Variants in AHNAK observed in about 807,000 individuals in gnomAD.
The protein encoded by AHNAK is neuroblast differentiation-associated protein AHNAK.
AHNAK carries 23 observed loss-of-function variants against 37.8 expected under a neutral mutation model. The observed-to-expected ratio is 0.61, with a 90% CI of 0.44 to 0.86. The LOEUF (loss-of-function observed/expected upper bound fraction) is 0.86, where lower values mean the gene tolerates loss of function less well. AHNAK is among the 40% of genes least tolerant of loss of function. The pLI, the probability that AHNAK is intolerant of heterozygous loss-of-function variation, is 0.00. For synonymous variants in AHNAK, 2,481 were observed against 2,636.3 expected (o/e 0.94, Z 1.80); for missense variants, 7,411 against 7,319.4 (o/e 1.01, Z -0.46).
At chr11:62,449,239 T>C (rs1938482378) in intron 5 of AHNAK, among the ~76,000 whole-genome samples, 1 of 152,240 alleles carries the variant, frequency 6.6e-6, no homozygotes, top group South Asian at 2.1e-4. Context: ...TTCTGACAGC[T>C]ATGCTCTCTC....
rs550095434 is a variant in AHNAK, at chr11:62,509,315, T to C, written c.343-17484A>G. On this transcript the variant is annotated intron_variant, in intron 4 of 5. Transcript: ENST00000257247. ...GGGCACGGTGGCTCACGCCTGTAAT[T>C]CCAGCACTTTGGGAGGCCAAGGTGG... Among the ~76,000 whole-genome samples the C allele has an allele frequency of 9.9e-5, 15 of 152,120 alleles. No individual in the cohort carries two copies. The South Asian group carries it at 3.1e-3, about 32-fold the overall frequency.
chr11:62,528,462 C>T lies in AHNAK; in HGVS notation c.5955G>A (p.Lys1985=). The stretch of plus-strand genomic sequence containing the variant: ...CATCAGGCATGGAGATCTTGGGGGT[C>T]TTGAAGTGCATCTCAGGCATCTTAA... ...PKFKMPEMHF[K]TPKISMPDVD... The change falls in exon 5 of 5, where the codon AAG becomes AAA. Residue 1985 remains lysine, a synonymous_variant. Coordinates refer to ENST00000378024, the MANE Select transcript of AHNAK (RefSeq NM_001620.3). 4 of 1,613,436 alleles carry T rather than the reference C, an allele frequency of 2.5e-6. No homozygotes were observed. Among genetic ancestry groups the T allele is most frequent in the Non-Finnish European group, 3.4e-6 (4 of 1,179,888 alleles).
chr11:62,533,894 T>A lies in AHNAK; in HGVS notation c.523A>T (p.Ile175Phe). The change falls in exon 5 of 5, where the codon ATC (isoleucine) becomes TTC (phenylalanine). Residue 175 changes from isoleucine (I) to phenylalanine (F), a missense_variant. Transcript: ENST00000378024. ...TGREGAKDID[I>F]SSPEFKIKIP... ...TTGATCTTGAATTCAGGGCTACTGA[T>A]GTCTATGTCCTTGGCTCCTTCCCGG... 1 of 1,614,222 alleles carries A rather than the reference T, an allele frequency of 6.2e-7. No individual in the cohort carries two copies. Among genetic ancestry groups the A allele is most frequent in the Non-Finnish European group, 8.5e-7 (1 of 1,180,042 alleles).
chr11:62,433,841 C>T (rs373500291), exon 6 of AHNAK: 1 of 1,613,512 alleles, frequency 6.2e-7, no homozygotes, highest in African/African-American at 1.3e-5. Flanking sequence ...AGAACGGTCA[C>T]AAAAACAACC....
intron 5 of AHNAK, among the ~76,000 whole-genome samples, chr11:62,484,329 T>G (rs1939345215): frequency 6.6e-6 from 1 of 151,988 alleles, no homozygotes; most frequent in African/African-American, 2.4e-5. Flanking sequence ...GAGGCTGCAG[T>G]GAGCTATGAT....
chr11:62,473,698 C>T (rs1366000121), intron 5 of AHNAK, among the ~76,000 whole-genome samples: 3 of 147,648 alleles, frequency 2.0e-5, no homozygotes, highest in African/African-American at 5.0e-5. Flanking sequence ...AAAAAAAAAG[C>T]TGTATAAAAC....
intron 4 of AHNAK, among the ~76,000 whole-genome samples, chr11:62,499,899 A>G (rs1050651195): frequency 7.9e-5 from 12 of 152,248 alleles, no homozygotes; most frequent in African/African-American, 2.9e-4. Context: ...ATCTGACACC[A>G]GACCAAGGCT....
chr11:62,442,615 A>T (rs1938331415), intron 5 of AHNAK, among the ~76,000 whole-genome samples: 1 of 152,060 alleles, frequency 6.6e-6, no homozygotes, highest in Admixed American at 6.6e-5. Flanking sequence ...TCACGCGTGT[A>T]ATCCCAGCAC....
intron 4 of AHNAK, among the ~76,000 whole-genome samples, chr11:62,502,932 T>C (rs1008390212): frequency 6.6e-6 from 1 of 152,184 alleles, no homozygotes; most frequent in African/African-American, 2.4e-5. Flanking sequence ...TCCCTGGGCA[T>C]TGGCTGGAGT....
intron 5 of AHNAK, among the ~76,000 whole-genome samples, chr11:62,443,138 G>A (rs1012915446): frequency 6.7e-6 from 1 of 150,262 alleles, no homozygotes; most frequent in South Asian, 2.1e-4. Flanking sequence ...CTTCACTCCC[G>A]GCTAATTTTT....
chr11:62,541,473 C>A (rs1387934815), intron 1 of AHNAK, among the ~76,000 whole-genome samples: 2 of 152,192 alleles, frequency 1.3e-5, no homozygotes, highest in African/African-American at 4.8e-5. Context: ...AAGCCCCCAA[C>A]ATTCGGAACC....
At position 62,530,714 on chromosome 11, in the gene AHNAK, T is replaced by C. The variant is rs1940709319; in HGVS notation, c.3703A>G (p.Lys1235Glu). The change falls in exon 5 of 5, where the codon AAA becomes GAA. Residue 1235 changes from lysine to glutamate, a missense_variant. Transcript: ENST00000378024. ...KVPDVEIKGP[K>E]MDIDAPDVEV... ...ACATCTGGGGCATCAATGTCCATTT[T>C]GGGTCCTTTGATTTCAACATCTGGC... is the stretch of plus-strand genomic sequence containing the variant. 1.9e-6 allele frequency: 3 copies of C among 1,613,840 alleles called. No individual in the cohort carries two copies. The highest frequency in any genetic ancestry group is 1.3e-5 in the African/African-American group (1 of 74,782).
At chr11:62,515,768 G>T, downstream of AHNAK, 1 of 541,276 alleles carries the variant, frequency 1.8e-6, no homozygotes, top group Non-Finnish European at 2.4e-6. Context: ...ACTACCTCCC[G>T]AAGGTCACTG....
chr11:62,527,323 G>C lies in AHNAK; in HGVS notation c.7094C>G (p.Pro2365Arg). ...CTTAGGAGTTTTCCACTTGCCATTTGGGCCTTCCACAGCTACTTCTGGCAT... is the reference window on the plus strand; with the variant it reads ...CTTAGGAGTTTTCCACTTGCCATTTCGGCCTTCCACAGCTACTTCTGGCAT... ...ADMPEVAVEGPNGKWKTPKFK... is the reference protein window; with the variant it reads ...ADMPEVAVEGRNGKWKTPKFK... The change falls in exon 5 of 5, where the codon CCA (proline) becomes CGA (arginine). Residue 2365 changes from proline (P) to arginine (R), a missense_variant. Coordinates refer to ENST00000378024, the MANE Select transcript of AHNAK (RefSeq NM_001620.3). The C allele has an allele frequency of 3.7e-6, 6 of 1,613,772 alleles. No individual in the cohort carries two copies. The highest frequency in any genetic ancestry group is 2.2e-5 in the East Asian group (1 of 44,866).
chr11:62,522,421 G>C lies in AHNAK; in HGVS notation c.11996C>G (p.Pro3999Arg), dbSNP rs1405442839. 1.2e-6 allele frequency: 2 copies of C among 1,614,058 alleles called. No homozygotes were observed. Among genetic ancestry groups the C allele is most frequent in the Non-Finnish European group, 1.7e-6 (2 of 1,180,032 alleles). Residue 3999 changes from proline (P) to arginine (R), a missense_variant, in exon 5 of 5, where the codon CCC (proline) becomes CGC (arginine). Physicochemically the swap from Pro to Arg is moderately radical, Grantham distance 103. Coordinates refer to ENST00000378024, the MANE Select transcript of AHNAK (RefSeq NM_001620.3). ...FKMPEMNIKA[P>R]KISMPDFDLH... ...ATCAAAGTCAGGCATGGAGATCTTG[G>C]GGGCTTTGATGTTCATCTCTGGCAT...
chr11:62,514,706 T>A (rs1939976328), downstream of AHNAK, among the ~76,000 whole-genome samples: 1 of 152,172 alleles, frequency 6.6e-6, no homozygotes, highest in African/African-American at 2.4e-5. Context: ...AGGTTAAGCA[T>A]CCTGTCCAAC....
At chr11:62,447,581 C>G (rs186574672) in intron 5 of AHNAK, among the ~76,000 whole-genome samples, 100 of 152,236 alleles carry the variant, frequency 6.6e-4, no homozygotes, top group African/African-American at 2.3e-3. Flanking sequence ...AAAAATCAAC[C>G]CTTTCATCTA....
chr11:62,527,396 A>G lies in AHNAK; in HGVS notation c.7021T>C (p.Leu2341=), dbSNP rs756006703. ...DVSAPKLEGE[L]KGPELDVKGP... is the part of the protein sequence containing the mutation. ...TTGACATCCAATTCTGGACCTTTTA[A>G]CTCTCCCTCCAGCTTTGGGGCAGAA... Residue 2341 remains leucine (L), a synonymous_variant, in exon 5 of 5, where the codon TTA becomes CTA. Coordinates refer to ENST00000378024, the MANE Select transcript of AHNAK (RefSeq NM_001620.3). 1 of 1,613,274 alleles carries G rather than the reference A, an allele frequency of 6.2e-7. No homozygotes were observed. Among genetic ancestry groups the G allele is most frequent in the South Asian group, 1.1e-5 (1 of 91,048 alleles).
intron 5 of AHNAK, among the ~76,000 whole-genome samples, chr11:62,487,628 T>C (rs1939419729): frequency 1.3e-5 from 2 of 152,134 alleles, no homozygotes; most frequent in Non-Finnish European, 2.9e-5. Context: ...TCCCATGATG[T>C]CTTGATTCAA....
Sources: allele counts gnomAD v4.1 joint callset (sites outside exome capture counted in the v4.1 genomes callset), GRCh38; gene constraint gnomAD v4.1.1; transcripts MANE v1.5; gene names NCBI Gene and HGNC (gene_info 2026-07-23, HGNC 2026-07-21).